Variants in SRCIN1 observed in about 807,000 individuals in gnomAD.
The protein encoded by SRCIN1 is P130Cas-associated protein.
In SRCIN1, 50 loss-of-function variants were observed where a neutral mutation model predicts 116.2. The ratio of observed to expected loss-of-function variants is 0.43; its 90% CI spans 0.34 to 0.54. SRCIN1 has a LOEUF of 0.54. Among genes scored for constraint, SRCIN1 ranks in the 20% least tolerant of loss-of-function variants. SRCIN1 has a pLI of 0.02. For synonymous variants in SRCIN1, 736 were observed against 750.0 expected, an observed-to-expected ratio of 0.98 and a Z score of 0.30; for missense variants, 1,446 against 1,672.0, an observed-to-expected ratio of 0.86 and a Z score of 2.36.
intron 17 of SRCIN1, chr17:38,547,720 CAG>C (rs759596103): frequency 2.5e-5 from 8 of 314,618 alleles, no homozygotes; most frequent in South Asian, 4.7e-5. Context: ...GGGGCACAGG[CAG>C]AGAGAGAGCT....
Position 38,552,841 on chromosome 17 carries a change from G to C in SRCIN1, c.2216C>G (p.Ser739Trp). The C allele has an allele frequency of 6.2e-7, 1 of 1,613,910 alleles. No individual in the cohort carries two copies. The highest frequency in any genetic ancestry group is 8.5e-7 in the Non-Finnish European group (1 of 1,179,864). Reference sequence around the variant, plus strand: ...CACGTCTCTCTGGATCTTCTCCACCGATTTCTCCAGGTCACTGCAGCCACA... The same window carrying C: ...CACGTCTCTCTGGATCTTCTCCACCCATTTCTCCAGGTCACTGCAGCCACA... ...ITQQLNDLEKSVEKIQRDVSH... is the reference protein window; with the variant it reads ...ITQQLNDLEKWVEKIQRDVSH... Residue 739 changes from serine (S) to tryptophan (W), a missense_variant, in exon 12 of 19, where the codon TCG becomes TGG. Ser to Trp is a radical substitution (Grantham distance 177). Around this residue, in one of 5 missense-constraint regions of SRCIN1, gnomAD observed 531 missense variants for 633.9 expected, o/e 0.84. Coordinates refer to ENST00000617146, the MANE Select transcript of SRCIN1 (RefSeq NM_025248.3). The surrounding 1 kb of genome is among the most constrained non-coding windows in gnomAD (Gnocchi z 5.3).
intron 11 of SRCIN1, among the ~76,000 whole-genome samples, chr17:38,557,186 C>A (rs1287103845): frequency 2.0e-5 from 3 of 152,244 alleles, no homozygotes; most frequent in Non-Finnish European, 2.9e-5. Context: ...GGGCCTCAGG[C>A]TGAGGAGCAG....
upstream of SRCIN1, chr17:38,605,973 G>C (rs1312783638): frequency 1.4e-5 from 2 of 144,388 alleles, no homozygotes; most frequent in African/African-American, 5.0e-5. Context: ...GGGCCGGCGC[G>C]GGTGTGTCAC....
intron 17 of SRCIN1, among the ~76,000 whole-genome samples, chr17:38,547,592 G>A (rs377372828): frequency 5.9e-5 from 9 of 152,274 alleles, no homozygotes; most frequent in East Asian, 5.8e-4. Context: ...TGTCCTTGGA[G>A]TGGGGGAGGG....
intron 18 of SRCIN1, chr17:38,543,170 C>T (rs1033425161): frequency 6.6e-6 from 3 of 456,774 alleles, no homozygotes; most frequent in Non-Finnish European, 1.3e-5. Context: ...GCAATTCCTG[C>T]TGCACCCCTA....
At chr17:38,555,737 C>A (rs900629202) in intron 11 of SRCIN1, among the ~76,000 whole-genome samples, 2 of 152,204 alleles carry the variant, frequency 1.3e-5, no homozygotes, top group Admixed American at 1.3e-4. Flanking sequence ...ACATCAGCCA[C>A]GCTGCCCCCA....
intron 1 of SRCIN1, among the ~76,000 whole-genome samples, chr17:38,605,035 A>G (rs1311083635): frequency 1.3e-5 from 2 of 151,872 alleles, no homozygotes; most frequent in African/African-American, 4.8e-5. Flanking sequence ...GCTGAGGCTC[A>G]GAGGTCTCCA....
intron 2 of SRCIN1, among the ~76,000 whole-genome samples, chr17:38,575,259 A>AT (rs929416739): frequency 1.1e-4 from 16 of 151,678 alleles, no homozygotes; most frequent in African/African-American, 2.4e-4. Flanking sequence ...TCTCCACTTT[A>AT]TTTTTTTTGA....
Position 38,561,563 on chromosome 17 carries a change from A to G in SRCIN1, c.1600T>C (p.Ser534Pro), listed in dbSNP as rs1275729276. 1 of 1,601,512 alleles carries G rather than the reference A, an allele frequency of 6.2e-7. No homozygotes were observed. The change falls in exon 7 of 19, where the codon TCG becomes CCG. Residue 534 changes from serine (S) to proline (P), a missense_variant. By Grantham distance (74) the Ser-to-Pro change is moderately conservative. Transcript: ENST00000617146. ...GGKTRSAGSA[S>P]TAGAPPSELF... is the part of the protein sequence containing the mutation. ...TCCGAAGGGGGAGCTCCGGCCGTCGAGGCGCTCCCCGCGCTGCGGGTCTTC... is the reference window on the plus strand; with the variant it reads ...TCCGAAGGGGGAGCTCCGGCCGTCGGGGCGCTCCCCGCGCTGCGGGTCTTC...
chr17:38,547,170 C>T (rs1304173820), intron 17 of SRCIN1, among the ~76,000 whole-genome samples: 1 of 152,264 alleles, frequency 6.6e-6, no homozygotes, highest in Non-Finnish European at 1.5e-5. Context: ...TCCAGGCTCT[C>T]TGTCCAAGAG....
At chr17:38,597,207 G>A (rs770309785) in intron 1 of SRCIN1, among the ~76,000 whole-genome samples, 3 of 152,242 alleles carry the variant, frequency 2.0e-5, no homozygotes, top group Non-Finnish European at 2.9e-5. Flanking sequence ...TATTAAGAAT[G>A]CTCATTGATG....
chr17:38,532,495 G>C lies in SRCIN1; in HGVS notation c.*802C>G, dbSNP rs975323622. On this transcript the variant is annotated 3_prime_UTR_variant, in exon 19 of 19. Transcript: ENST00000617146. This position sits in a 1 kb window ranked among gnomAD's most constrained non-coding sequence, Gnocchi z 4.3. ...CAGTGTCCCCGATATCCGGCTGTCC[G>C]TGCAACCCACCCTCCACAGCCAGCA... The C allele has an allele frequency of 2.6e-5, 4 of 152,722 alleles. No individual in the cohort carries two copies. Among genetic ancestry groups the C allele is most frequent in the African/African-American group, 9.7e-5 (4 of 41,450 alleles). The allele number at this position is 152,722 out of a possible 1,614,324, so 9.5% of individuals were successfully genotyped here.
intron 2 of SRCIN1, among the ~76,000 whole-genome samples, chr17:38,577,635 G>A (rs1041556683): frequency 6.6e-6 from 1 of 152,196 alleles, no homozygotes; most frequent in African/African-American, 2.4e-5. Context: ...TACAATGGCT[G>A]AGTCTCAGAA....
intron 15 of SRCIN1, among the ~76,000 whole-genome samples, chr17:38,549,444 T>C (rs1905257977): frequency 6.6e-6 from 1 of 152,168 alleles, no homozygotes; most frequent in South Asian, 2.1e-4. Context: ...GTGTTGTCTG[T>C]GGACCAGCAG....
Position 38,564,128 on chromosome 17 carries a change from C to T in SRCIN1, c.531G>A (p.Leu177=). The T allele has an allele frequency of 6.3e-7, 1 of 1,598,960 alleles. No individual in the cohort carries two copies. The highest frequency in any genetic ancestry group is 1.1e-5 in the South Asian group (1 of 88,088). The change falls in exon 4 of 19, where the codon CTG becomes CTA. Residue 177 remains leucine, a synonymous_variant. Coordinates refer to ENST00000617146, the MANE Select transcript of SRCIN1 (RefSeq NM_025248.3). ...PLSRSASQTK[L]RSPGVLFLQF... ...CTGGGCGGGCAGTACCTGGGGAGCG[C>T]AGCTTGGTCTGGCTGGCCGAGCGGG...
In SRCIN1 at chr17:38,604,663, C is replaced by A; in HGVS notation, c.22+1021G>T. 1 of 389,130 alleles carries A rather than the reference C, an allele frequency of 2.6e-6. No individual in the cohort carries two copies. The allele number at this position is 389,130 out of a possible 1,614,324, so 24.1% of individuals were successfully genotyped here. On this transcript the variant is annotated intron_variant, in intron 1 of 18. Coordinates refer to ENST00000617146, the MANE Select transcript of SRCIN1 (RefSeq NM_025248.3). This position sits in a 1 kb window ranked among gnomAD's most constrained non-coding sequence, Gnocchi z 4.3. Reference sequence around the variant, plus strand: ...CCGCACACGCCCCGCCGGGCCCTGACAGCTGAGCTGCGGAGGCACCCGGCC... The same window carrying A: ...CCGCACACGCCCCGCCGGGCCCTGAAAGCTGAGCTGCGGAGGCACCCGGCC...
At position 38,549,129 on chromosome 17, in the gene SRCIN1, G is replaced by A. The variant is rs1905241102; in HGVS notation, c.3044C>T (p.Ser1015Phe). Residue 1015 changes from serine to phenylalanine, a missense_variant, in exon 16 of 19, where the codon TCC becomes TTC. By Grantham distance (155) the Ser-to-Phe change is radical. Transcript: ENST00000617146. The stretch of plus-strand genomic sequence containing the variant: ...ACGTGTGGTGGTCAGGCCATGGGAG[G>A]AGGGGAAGCTCCGGCGGGGAGGGGG... ...PPPPPRRSFP[S>F]SHGLTTTRTG... The A allele has an allele frequency of 1.2e-6, 2 of 1,605,860 alleles. No homozygotes were observed. The highest frequency in any genetic ancestry group is 1.7e-6 in the Non-Finnish European group (2 of 1,176,710).
intron 9 of SRCIN1, 50 bp downstream of exon 9, chr17:38,560,004 G>T: frequency 6.8e-7 from 1 of 1,475,558 alleles, no homozygotes; most frequent in Non-Finnish European, 9.3e-7. Flanking sequence ...TTATAGATTA[G>T]AAAACAGGCT....
At chr17:38,551,769 C>A (rs766015999) in intron 14 of SRCIN1, 117 bp downstream of exon 14, 97 of 1,553,212 alleles carry the variant, frequency 6.2e-5, no homozygotes, top group Non-Finnish European at 8.1e-5. Flanking sequence ...AGGGCACTGG[C>A]CCTCCTCCCC....
Sources: allele counts gnomAD v4.1 joint callset (sites outside exome capture counted in the v4.1 genomes callset), GRCh38; gene constraint gnomAD v4.1.1; regional missense constraint gnomAD v4.1.1; non-coding constraint Gnocchi (gnomAD v3.1); transcripts MANE v1.5; gene names NCBI Gene and HGNC (gene_info 2026-07-23, HGNC 2026-07-21).